The following ITGA4 variants were observed in gnomAD, a reference collection of about 807,000 sequenced individuals.
The protein encoded by ITGA4 is integrin alpha-4.
ITGA4 carries 63 observed loss-of-function variants against 133.6 expected under a neutral mutation model. The observed-to-expected ratio is 0.47, with a 90% CI of 0.38 to 0.58. The LOEUF is 0.58. Ranked by LOEUF, ITGA4 falls within the 20% of genes least tolerant of loss-of-function variation. The pLI, the probability that ITGA4 is intolerant of heterozygous loss-of-function variation, is 0.00. For missense variants in ITGA4, 1,076 were observed against 1,252.7 expected (o/e 0.86, Z 2.13); for synonymous variants, 483 against 438.0 (o/e 1.10, Z -1.28).
chr2:181,522,651 A>G (rs1180170208), intron 18 of ITGA4, among the ~76,000 whole-genome samples: 1 of 152,136 alleles, frequency 6.6e-6, no homozygotes, highest in Non-Finnish European at 1.5e-5. Context: ...TGGTCCTTGC[A>G]CAAGTAACAT....
chr2:181,537,981 A>G lies in ITGA4; in HGVS notation c.*2454A>G. The G allele has an allele frequency of 1.5e-6, 1 of 667,766 alleles. No individual in the cohort carries two copies. 41.4% of individuals were successfully genotyped at this position (667,766 alleles called of 1,614,324 possible). On this transcript the variant is annotated 3_prime_UTR_variant, in exon 28 of 28. Transcript: ENST00000397033. ...TGGTGAACTGGTATGTGAGGGATCT[A>G]GAGTGCCATGTTCCTCAAGAGAATC... is the stretch of plus-strand genomic sequence containing the variant.
At chr2:181,481,202 A>T (rs556913183) in intron 6 of ITGA4, among the ~76,000 whole-genome samples, 8 of 152,320 alleles carry the variant, frequency 5.3e-5, no homozygotes, top group Non-Finnish European at 1.2e-4. Context: ...AAAAGTCATC[A>T]CAAAGATTTG....
chr2:181,514,076 C>T (rs1431736007), intron 17 of ITGA4, among the ~76,000 whole-genome samples: 4 of 152,058 alleles, frequency 2.6e-5, no homozygotes, highest in Non-Finnish European at 4.4e-5. Context: ...AGGAATTAGC[C>T]TTAGTTAAGA....
chr2:181,515,329 TAA>T (rs1686583865), intron 17 of ITGA4, among the ~76,000 whole-genome samples: 1 of 152,092 alleles, frequency 6.6e-6, no homozygotes, highest in South Asian at 2.1e-4. Flanking sequence ...TCTTAAAGGG[TAA>T]TAATGCAGGC....
At chr2:181,521,769 G>T (rs1686725000) in intron 17 of ITGA4, among the ~76,000 whole-genome samples, 1 of 152,098 alleles carries the variant, frequency 6.6e-6, no homozygotes, top group South Asian at 2.1e-4. Flanking sequence ...TTTTCTACCA[G>T]TTCCTTCCAT....
At chr2:181,466,364 T>C (rs956266661) in intron 2 of ITGA4, among the ~76,000 whole-genome samples, 1 of 152,168 alleles carries the variant, frequency 6.6e-6, no homozygotes, top group Non-Finnish European at 1.5e-5. Context: ...CTCACATAAA[T>C]TGAGCATGAT....
At chr2:181,511,601 AT>A (rs1214524906) in intron 16 of ITGA4, 97 bp from the exon 17 acceptor site, 5 of 628,148 alleles carry the variant, frequency 8.0e-6, no homozygotes, top group African/African-American at 1.9e-5. Context: ...TATCAATTTT[AT>A]TTTTCTCATG....
chr2:181,508,209 A>C (rs1036364324), intron 15 of ITGA4, among the ~76,000 whole-genome samples: 2 of 152,056 alleles, frequency 1.3e-5, no homozygotes, highest in African/African-American at 4.8e-5. Context: ...TAAAAATCTG[A>C]TTATTGAAAA....
chr2:181,534,759 G>T (rs7601843), intron 26 of ITGA4, 57 bp from the exon 27 acceptor site: 163,794 of 1,422,444 alleles, frequency 0.12, 11,004 homozygotes, highest in East Asian at 0.22. Context: ...TATAAGCAAC[G>T]TTTTAAACTG....
intron 21 of ITGA4, among the ~76,000 whole-genome samples, chr2:181,526,820 CCTT>C (rs1686838583): frequency 7.2e-5 from 2 of 27,850 alleles, no homozygotes; most frequent in Non-Finnish European, 1.1e-4. Context: ...GAGCACATGG[CCTT>C]TTTTTTTTTT....
chr2:181,508,023 T>A (rs1686429353), intron 15 of ITGA4, among the ~76,000 whole-genome samples: 1 of 91,142 alleles, frequency 1.1e-5, no homozygotes, highest in Admixed American at 1.0e-4. Context: ...AATGTGGAAT[T>A]TTTTTAATGA....
At chr2:181,532,361 A>G (rs894101035) in intron 25 of ITGA4, among the ~76,000 whole-genome samples, 1 of 152,112 alleles carries the variant, frequency 6.6e-6, no homozygotes, top group African/African-American at 2.4e-5. Flanking sequence ...GGCCATTTTC[A>G]CGATATTGAT....
chr2:181,531,642 T>C lies in ITGA4; in HGVS notation c.2665-15T>C, dbSNP rs200118971. ...GTTGAAAATTTTAATGTAGCACTTT[T>C]ATATTCCCTTCAAGTACTGCATAAA... is the stretch of plus-strand genomic sequence containing the variant. On this transcript the variant is annotated splice_polypyrimidine_tract_variant and intron_variant, in intron 24 of 27. Transcript: ENST00000397033. 6 of 1,506,182 alleles carry C rather than the reference T, an allele frequency of 4.0e-6. No homozygotes were observed. In the East Asian group the frequency reaches 7.2e-5, roughly 18 times the overall value. The allele number at this position is 1,506,182 out of a possible 1,614,324, so 93.3% of individuals were successfully genotyped here.
chr2:181,477,207 A>G (rs1212160286), intron 4 of ITGA4, among the ~76,000 whole-genome samples: 2 of 152,122 alleles, frequency 1.3e-5, no homozygotes, highest in Non-Finnish European at 2.9e-5. Context: ...AAATATACCA[A>G]AGTCAACTAA....
Position 181,475,041 on chromosome 2 carries a change from A to G in ITGA4, c.401A>G (p.Gln134Arg). ...NQWLGVTLSRQPGENGSIVTC... is the reference protein window; with the variant it reads ...NQWLGVTLSRRPGENGSIVTC... ...TGGTTGGGGGTCACACTTTCCAGAC[A>G]GCCAGGAGAAAATGGATCCATCGTG... Residue 134 changes from glutamine (Q) to arginine (R), a missense_variant, in exon 3 of 28, where the codon CAG (glutamine) becomes CGG (arginine). Gln to Arg is a conservative substitution (Grantham distance 43). Coordinates refer to ENST00000397033, the MANE Select transcript of ITGA4 (RefSeq NM_000885.6). 6.2e-7 allele frequency: 1 copy of G among 1,614,072 alleles called. No individual in the cohort carries two copies. The highest frequency in any genetic ancestry group is 8.5e-7 in the Non-Finnish European group (1 of 1,179,958).
In ITGA4 at chr2:181,495,682, T is replaced by A; in HGVS notation, c.1386-101T>A. ...GTATGTACACACATAATAAGACTCA[T>A]GAAATTACTTGGTGAATGTAAACTG... On this transcript the variant is annotated intron_variant, in intron 13 of 27. Transcript: ENST00000397033. This position sits in a 1 kb window ranked among gnomAD's most constrained non-coding sequence, Gnocchi z 4.3. 9.8e-7 allele frequency: 1 copy of A among 1,018,130 alleles called. No homozygotes were observed. The highest frequency in any genetic ancestry group is 2.2e-5 in the Admixed American group (1 of 45,012). The allele number at this position is 1,018,130 out of a possible 1,614,324, so 63.1% of individuals were successfully genotyped here.
chr2:181,475,940 A>G, intron 4 of ITGA4: 2 of 1,462,534 alleles, frequency 1.4e-6, no homozygotes, highest in South Asian at 2.8e-5. Context: ...CGTCTTTAGG[A>G]GCTAAGAAAC....
At chr2:181,476,034 C>G (rs538778293) in intron 4 of ITGA4, 1 of 831,034 alleles carries the variant, frequency 1.2e-6, no homozygotes, top group Non-Finnish European at 1.7e-6. Context: ...TATTGGTTGG[C>G]AAAACTTTGG....
chr2:181,494,817 GTAAT>G lies in ITGA4; in HGVS notation c.1339+8_1339+11del, dbSNP rs755607961. The G allele has an allele frequency of 1.2e-4, 163 of 1,388,218 alleles. No individual in the cohort carries two copies. Among genetic ancestry groups the G allele is most frequent in the South Asian group, 2.5e-4 (22 of 86,396 alleles). 86.0% of individuals were successfully genotyped at this position (1,388,218 alleles called of 1,614,324 possible). On this transcript the variant is annotated splice_donor_region_variant and intron_variant, in intron 12 of 27. Coordinates refer to ENST00000397033, the MANE Select transcript of ITGA4 (RefSeq NM_000885.6). Reference sequence around the variant, plus strand: ...CAGATAATAATGGCTATGTAGGTGAGTAATTAGTTTATCATAATTTATAAATTGG... The same window carrying G: ...CAGATAATAATGGCTATGTAGGTGAGTAGTTTATCATAATTTATAAATTGG...
Sources: allele counts gnomAD v4.1 joint callset (sites outside exome capture counted in the v4.1 genomes callset), GRCh38; gene constraint gnomAD v4.1.1; non-coding constraint Gnocchi (gnomAD v3.1); transcripts MANE v1.5; gene names NCBI Gene and HGNC (gene_info 2026-07-23, HGNC 2026-07-21).